Variants in ITSN1 observed in about 807,000 individuals in gnomAD.
The protein encoded by ITSN1 is intersectin-1.
A neutral mutation model predicts 239.8 loss-of-function variants in ITSN1; 58 were observed. The ratio of observed to expected loss-of-function variants is 0.24; its 90% CI spans 0.20 to 0.30. ITSN1 has a LOEUF of 0.30. Ranked by LOEUF, ITSN1 falls within the 10% of genes least tolerant of loss-of-function variation. ITSN1 has a pLI of 1.00. For synonymous variants in ITSN1, 780 were observed against 770.8 expected (o/e 1.01, Z -0.20); for missense variants, 1,558 against 2,103.3 (o/e 0.74, Z 5.07).
intron 29 of ITSN1, among the ~76,000 whole-genome samples, chr21:33,852,893 C>A (rs1417836688): frequency 8.5e-5 from 13 of 152,190 alleles, no homozygotes; most frequent in Non-Finnish European, 1.8e-4. Context: ...CCCTCCACCC[C>A]TAAAGAAAAC....
At chr21:33,879,382 A>T (rs1448872322) in intron 34 of ITSN1, among the ~76,000 whole-genome samples, 1 of 152,180 alleles carries the variant, frequency 6.6e-6, no homozygotes, top group African/African-American at 2.4e-5. Flanking sequence ...GCAGGGCATT[A>T]GGAGTGGAGG....
chr21:33,718,806 A>T lies in ITSN1; in HGVS notation c.-23A>T. On this transcript the variant is annotated 5_prime_UTR_variant, in exon 2 of 40. Transcript: ENST00000381318. ...GCATTTTCACTTACAGGCGTCGATT[A>T]GCAAGGTAAAAGTAACAGAACCATG... 6.2e-7 allele frequency: 1 copy of T among 1,609,854 alleles called. No homozygotes were observed. The highest frequency in any genetic ancestry group is 8.5e-7 in the Non-Finnish European group (1 of 1,177,280).
intron 29 of ITSN1, chr21:33,837,721 A>G: frequency 4.1e-6 from 4 of 985,906 alleles, no homozygotes; most frequent in African/African-American, 1.7e-5. Flanking sequence ...TGCTCTAATC[A>G]TATTGCATTT....
chr21:33,854,547 T>C (rs979519424), intron 29 of ITSN1, among the ~76,000 whole-genome samples: 1 of 152,156 alleles, frequency 6.6e-6, no homozygotes, highest in African/African-American at 2.4e-5. Flanking sequence ...GTTTCTTGGG[T>C]GACCTTCCCA....
At chr21:33,753,264 C>T (rs1365102546) in intron 7 of ITSN1, among the ~76,000 whole-genome samples, 1 of 152,156 alleles carries the variant, frequency 6.6e-6, no homozygotes, top group Admixed American at 6.5e-5. Context: ...CTTAAGATGC[C>T]TCAATATGTA....
At chr21:33,843,040 CA>C (rs2074878415) in intron 29 of ITSN1, among the ~76,000 whole-genome samples, 1 of 152,094 alleles carries the variant, frequency 6.6e-6, no homozygotes, top group East Asian at 1.9e-4. Flanking sequence ...CGGTGGAGCG[CA>C]GGATGTTCTC....
At chr21:33,836,401 G>A (rs762225644) in intron 28 of ITSN1, 40 bp from the exon 29 acceptor site, 43 of 1,487,908 alleles carry the variant, frequency 2.9e-5, no homozygotes, top group Middle Eastern at 1.9e-4. Flanking sequence ...TGCATTCTCC[G>A]GCGGGTGTGC....
intron 1 of ITSN1, among the ~76,000 whole-genome samples, 182 bp downstream of exon 1, chr21:33,642,895 C>G (rs574650062): frequency 6.6e-6 from 1 of 151,412 alleles, no homozygotes; most frequent in Non-Finnish European, 1.5e-5. Context: ...GCCCCTCTGC[C>G]TTGTCCTTCC....
In ITSN1 at chr21:33,885,084, A is replaced by C; in HGVS notation, c.4720A>C (p.Ile1574Leu). The C allele has an allele frequency of 6.2e-7, 1 of 1,614,166 alleles. No individual in the cohort carries two copies. The highest frequency in any genetic ancestry group is 1.1e-5 in the South Asian group (1 of 91,080). Reference protein sequence around the residue: ...QKIKAASELYIETEKKKREKA... With the variant: ...QKIKAASELYLETEKKKREKA... ...AATCAAAGCTGCTTCTGAACTCTAC[A>C]TAGAGACTGAGAAAAAGAAGCGCGA... The change falls in exon 37 of 40, where the codon ATA (isoleucine) becomes CTA (leucine). Residue 1574 changes from isoleucine to leucine, a missense_variant. This residue lies in a region of ITSN1 where 576 missense variants were observed against 893.3 expected (regional missense o/e 0.64). Transcript: ENST00000381318.
At chr21:33,779,715 C>T (rs958370037) in intron 14 of ITSN1, among the ~76,000 whole-genome samples, 1 of 152,088 alleles carries the variant, frequency 6.6e-6, no homozygotes, top group African/African-American at 2.4e-5. Context: ...CTTTGAAGTC[C>T]TAAGAAACTC....
chr21:33,779,466 C>T (rs2069971385), intron 14 of ITSN1, among the ~76,000 whole-genome samples: 2 of 151,966 alleles, frequency 1.3e-5, no homozygotes, highest in East Asian at 1.9e-4. Flanking sequence ...TCAGCATATG[C>T]TCTGTCTTGG....
In ITSN1 at chr21:33,811,002, G is replaced by A. The variant is rs1156923746; in HGVS notation, c.2347G>A (p.Gly783Ser). 4.3e-6 allele frequency: 7 copies of A among 1,614,134 alleles called. No homozygotes were observed. The highest frequency in any genetic ancestry group is 1.6e-4 in the Middle Eastern group (1 of 6,062). The change falls in exon 21 of 40, where the codon GGC becomes AGC. Residue 783 changes from glycine (G) to serine (S), a missense_variant. By Grantham distance (56) the Gly-to-Ser change is moderately conservative. Around this residue, in one of 2 missense-constraint regions of ITSN1, gnomAD observed 982 missense variants for 1,209.9 expected, o/e 0.81. Coordinates refer to ENST00000381318, the MANE Select transcript of ITSN1 (RefSeq NM_003024.3). ...WVDESQTGEP[G>S]WLGGELKGKT... is the part of the protein sequence containing the mutation. ...GGATGAAAGCCAAACTGGAGAACCCGGCTGGCTTGGAGGAGAATTAAAAGG... is the reference window on the plus strand; with the variant it reads ...GGATGAAAGCCAAACTGGAGAACCCAGCTGGCTTGGAGGAGAATTAAAAGG...
chr21:33,725,108 AAAAAAAAAAAAATTTTTTTTTTTT>A (rs1255105964), intron 4 of ITSN1, among the ~76,000 whole-genome samples: 1 of 146,616 alleles, frequency 6.8e-6, no homozygotes, highest in Non-Finnish European at 1.5e-5. Context: ...CATCTTTAAA[AAAAAAAAAAAAATTTTTTTTTTTT>A]GTTTTTTTTT....
In ITSN1 at chr21:33,865,300, C is replaced by A. The variant is rs781233789; in HGVS notation, c.4040C>A (p.Thr1347Lys). ...LNGAALIQQK[T>K]DEAPDFKEFV... ...GGGGCTGCCCTGATCCAGCAGAAGACGGATGAGGCCCCAGACTTCAAGGAG... is the reference window on the plus strand; with the variant it reads ...GGGGCTGCCCTGATCCAGCAGAAGAAGGATGAGGCCCCAGACTTCAAGGAG... The change falls in exon 32 of 40, where the codon ACG becomes AAG. Residue 1347 changes from threonine (T) to lysine (K), a missense_variant. Physicochemically the swap from Thr to Lys is moderately conservative, Grantham distance 78. This residue lies in a region of ITSN1 where 576 missense variants were observed against 893.3 expected (regional missense o/e 0.64). Transcript: ENST00000381318. This position sits in a 1 kb window ranked among gnomAD's most constrained non-coding sequence, Gnocchi z 4.4. 1 of 1,588,194 alleles carries A rather than the reference C, an allele frequency of 6.3e-7. No homozygotes were observed. The highest frequency in any genetic ancestry group is 8.6e-7 in the Non-Finnish European group (1 of 1,167,608).
At chr21:33,756,120 G>T (rs541879065) in intron 8 of ITSN1, among the ~76,000 whole-genome samples, 2 of 151,750 alleles carry the variant, frequency 1.3e-5, no homozygotes, top group African/African-American at 4.8e-5. Flanking sequence ...GACCAGCCTG[G>T]CCAACATGGT....
intron 34 of ITSN1, among the ~76,000 whole-genome samples, chr21:33,878,008 T>C (rs1037531684): frequency 1.1e-3 from 153 of 140,330 alleles, no homozygotes; most frequent in African/African-American, 4.0e-3. Context: ...CTCTCTCTCT[T>C]TGTGTGTGTG....
At position 33,865,078 on chromosome 21, in the gene ITSN1, T is replaced by C; in HGVS notation, c.3891-73T>C. 1.4e-6 allele frequency: 2 copies of C among 1,453,908 alleles called. No individual in the cohort carries two copies. Among genetic ancestry groups the C allele is most frequent in the Non-Finnish European group, 1.9e-6 (2 of 1,070,592 alleles). 90.1% of individuals were successfully genotyped at this position (1,453,908 alleles called of 1,614,324 possible). A position where few individuals can be genotyped will look rare whatever the true frequency, so the allele number is the denominator to read the frequency against. ...GCCCCTCACACACATTCTGTTTCTG[T>C]GCAACCTAAGTGTGCTGTGGTGCTG... On this transcript the variant is annotated intron_variant, in intron 31 of 39. Transcript: ENST00000381318. The surrounding 1 kb of genome is among the most constrained non-coding windows in gnomAD (Gnocchi z 4.4).
At chr21:33,851,748 C>T (rs1415248548) in intron 29 of ITSN1, among the ~76,000 whole-genome samples, 12 of 119,942 alleles carry the variant, frequency 1.0e-4, no homozygotes, top group East Asian at 4.9e-4. Flanking sequence ...TTTTTTTTCT[C>T]GTTTTTTTTC....
rs1337685100 is a variant in ITSN1, at chr21:33,892,175, A to T, written c.*3875A>T. On this transcript the variant is annotated 3_prime_UTR_variant, in exon 40 of 40. Transcript: ENST00000381318. Reference sequence around the variant, plus strand: ...GTGAGATGAAAACAAAGGCACCTGGATTGCTTTGTTTTGCTTTTAGATAAA... The same window carrying T: ...GTGAGATGAAAACAAAGGCACCTGGTTTGCTTTGTTTTGCTTTTAGATAAA... The T allele has an allele frequency of 6.6e-6, 1 of 152,216 alleles. No individual in the cohort carries two copies. The highest frequency in any genetic ancestry group is 1.5e-5 in the Non-Finnish European group (1 of 68,048). The allele number at this position is 152,216 out of a possible 1,614,324, so 9.4% of individuals were successfully genotyped here. A position where few individuals can be genotyped will look rare whatever the true frequency, so the allele number is the denominator to read the frequency against.
Sources: gnomAD v4.1 joint callset for allele counts (sites outside exome capture counted in the v4.1 genomes callset) on GRCh38, gnomAD v4.1.1 for gene constraint, gnomAD v4.1.1 regional missense constraint, Gnocchi (gnomAD v3.1) non-coding constraint, MANE v1.5 for transcripts, NCBI Gene and HGNC (gene_info 2026-07-23, HGNC 2026-07-21) for gene names.